The following ODR4 variants were observed in gnomAD, a reference collection of about 807,000 sequenced individuals.
ODR4 encodes odr-4 GPCR localization factor homolog, also known as protein odr-4 homolog.
ODR4 carries 47 observed loss-of-function variants against 60.2 expected under a neutral mutation model. The observed-to-expected ratio is 0.78, with a 90% CI of 0.62 to 1.00. The LOEUF is 1.00. Ranked by LOEUF, ODR4 falls within the 50% of genes least tolerant of loss-of-function variation. The probability of loss-of-function intolerance (pLI) is 0.00; values close to 1 mark genes in which losing one functional copy is unlikely to be tolerated. For synonymous variants in ODR4, 178 were observed against 175.5 expected, an observed-to-expected ratio of 1.01 and a Z score of -0.11; for missense variants, 488 against 530.8, an observed-to-expected ratio of 0.92 and a Z score of 0.79.
In ODR4 at chr1:186,386,082, G is replaced by C; in HGVS notation, c.329G>C (p.Arg110Thr). The change falls in exon 4 of 14, where the codon AGA becomes ACA. Residue 110 changes from arginine (R) to threonine (T), a missense_variant and splice_region_variant. Physicochemically the swap from Arg to Thr is moderately conservative, Grantham distance 71 (BLOSUM62 -1). Transcript: ENST00000287859. ...AATGATTTTCAAAATGCCCTGCGTA[G>C]AGTAAGTTTGATATATCGAAAATTC... ...LANDFQNALRRLMFAVEKSIN... is the reference protein window; with the variant it reads ...LANDFQNALRTLMFAVEKSIN... The C allele has an allele frequency of 1.3e-6, 2 of 1,554,710 alleles. No homozygotes were observed. The highest frequency in any genetic ancestry group is 1.8e-6 in the Non-Finnish European group (2 of 1,140,182).
At chr1:186,388,219 C>T (rs1372034703) in intron 4 of ODR4, among the ~76,000 whole-genome samples, 1 of 152,182 alleles carries the variant, frequency 6.6e-6, no homozygotes, top group Non-Finnish European at 1.5e-5. Flanking sequence ...TGGTGGCACA[C>T]ACCTGTAGTC....
chr1:186,386,351 T>A (rs574752378), intron 4 of ODR4, among the ~76,000 whole-genome samples: 1 of 152,280 alleles, frequency 6.6e-6, no homozygotes, highest in East Asian at 1.9e-4. Context: ...AAAACAGGGC[T>A]ATCATCAGCC....
chr1:186,427,801 T>C, the ODR4 span, among the ~76,000 whole-genome samples: 2 of 152,226 alleles, frequency 1.3e-5, no homozygotes, highest in African/African-American at 4.8e-5. Flanking sequence ...TGATCCATGG[T>C]CTGAAGAATA....
intron 4 of ODR4, 134 bp from the exon 5 acceptor site, chr1:186,388,308 C>T (rs1644325540): frequency 7.3e-6 from 4 of 547,530 alleles, no homozygotes; most frequent in African/African-American, 2.0e-5. Context: ...ATAGTGAGAC[C>T]CCTTCTCCAA....
At position 186,398,473 on chromosome 1, in the gene ODR4, A is replaced by G. The variant is rs372368478; in HGVS notation, c.909+32A>G. 34 of 1,549,640 alleles carry G rather than the reference A, an allele frequency of 2.2e-5. No homozygotes were observed. In the African/African-American group the frequency reaches 3.9e-4, roughly 18 times the overall value. ...AAAGGAATAACGAGCATATGGAACC[A>G]TGTTAACTATTAACAAAAACCTAAA... On this transcript the variant is annotated intron_variant, in intron 10 of 13. Transcript: ENST00000287859.
intron 5 of ODR4, among the ~76,000 whole-genome samples, chr1:186,388,949 G>C (rs544231361): frequency 6.6e-6 from 1 of 152,264 alleles, no homozygotes; most frequent in Admixed American, 6.5e-5. Flanking sequence ...CAGGTGCACA[G>C]AGCTGGATGG....
At chr1:186,379,443 CAA>C (rs57320656) in intron 1 of ODR4, among the ~76,000 whole-genome samples, 5,159 of 58,334 alleles carry the variant, frequency 0.088, 282 homozygotes, top group African/African-American at 0.25. Flanking sequence ...AACTCCGTCT[CAA>C]AAAAAAAAAA....
In ODR4 at chr1:186,406,172, G is replaced by A; in HGVS notation, c.1090G>A (p.Asp364Asn). Residue 364 changes from aspartate (D) to asparagine (N), a missense_variant, in exon 12 of 14, where the codon GAT becomes AAT. Coordinates refer to ENST00000287859, the MANE Select transcript of ODR4 (RefSeq NM_017847.6). Reference sequence around the variant, plus strand: ...AATGTTGTGTGATTATAAATTTGACGATGAGTCAGCTGAAGAAATCAGGGA... The same window carrying A: ...AATGTTGTGTGATTATAAATTTGACAATGAGTCAGCTGAAGAAATCAGGGA... ...TVMLCDYKFD[D>N]ESAEEIRDHF... 1 of 1,612,196 alleles carries A rather than the reference G, an allele frequency of 6.2e-7. No individual in the cohort carries two copies. Among genetic ancestry groups the A allele is most frequent in the Non-Finnish European group, 8.5e-7 (1 of 1,179,016 alleles).
chr1:186,405,206 G>T (rs1277253549), intron 11 of ODR4, among the ~76,000 whole-genome samples: 1 of 152,052 alleles, frequency 6.6e-6, no homozygotes, highest in African/African-American at 2.4e-5. Flanking sequence ...AGTGAGATAG[G>T]TACACAAAAC....
the ODR4 span, among the ~76,000 whole-genome samples, chr1:186,431,535 A>C: frequency 6.6e-6 from 1 of 152,234 alleles, no homozygotes; most frequent in Admixed American, 6.5e-5. Context: ...AGAAAGGTAG[A>C]GTAATTAGAA....
intron 9 of ODR4, among the ~76,000 whole-genome samples, chr1:186,397,244 C>G (rs1176926459): frequency 1.3e-5 from 2 of 152,150 alleles, no homozygotes; most frequent in Non-Finnish European, 2.9e-5. Context: ...CATTATTTTT[C>G]CGCATTTATT....
chr1:186,381,619 G>A (rs909365015), intron 2 of ODR4, among the ~76,000 whole-genome samples: 24 of 152,026 alleles, frequency 1.6e-4, no homozygotes, highest in African/African-American at 5.1e-4. Context: ...GAGCCACCGC[G>A]CCCGGCCTAA....
downstream of ODR4, among the ~76,000 whole-genome samples, chr1:186,423,834 A>G (rs78484342): frequency 4.7e-3 from 712 of 152,296 alleles, 6 homozygotes; most frequent in African/African-American, 0.016. Flanking sequence ...GACTGAACAC[A>G]TGAAAAGAAG....
At chr1:186,410,325 T>C (rs185600389) in intron 12 of ODR4, among the ~76,000 whole-genome samples, 1 of 152,338 alleles carries the variant, frequency 6.6e-6, no homozygotes, top group Admixed American at 6.5e-5. Context: ...TCAGGAGTTT[T>C]GAACATTTAA....
At chr1:186,382,445 C>T (rs1268171637) in intron 2 of ODR4, among the ~76,000 whole-genome samples, 1 of 151,618 alleles carries the variant, frequency 6.6e-6, no homozygotes, top group Admixed American at 6.6e-5. Context: ...AATAAATACA[C>T]ACACACACAA....
At chr1:186,418,398 C>G (rs1301273465) in intron 13 of ODR4, among the ~76,000 whole-genome samples, 1 of 150,716 alleles carries the variant, frequency 6.6e-6, no homozygotes, top group African/African-American at 2.4e-5. Context: ...TCACGCCATT[C>G]TCCTGCCTCA....
intron 8 of ODR4, 140 bp downstream of exon 8, chr1:186,391,931 A>G: frequency 1.6e-6 from 1 of 618,482 alleles, no homozygotes; most frequent in Admixed American, 3.1e-5. Flanking sequence ...GTAAAAGGCA[A>G]ATGTTTTTCT....
At chr1:186,424,536 C>A (rs1264437613), downstream of ODR4, among the ~76,000 whole-genome samples, 8 of 151,936 alleles carry the variant, frequency 5.3e-5, no homozygotes, top group Non-Finnish European at 1.0e-4. Flanking sequence ...AACAAACTAC[C>A]CTCAAACTTA....
intron 11 of ODR4, among the ~76,000 whole-genome samples, chr1:186,402,349 C>G (rs891879130): frequency 6.8e-6 from 1 of 146,726 alleles, no homozygotes; most frequent in Non-Finnish European, 1.5e-5. Flanking sequence ...CTCTCCTTTC[C>G]TTTTCCTTTT....
Sources: allele counts gnomAD v4.1 joint callset (sites outside exome capture counted in the v4.1 genomes callset), GRCh38; gene constraint gnomAD v4.1.1; transcripts MANE v1.5; gene names NCBI Gene and HGNC (gene_info 2026-07-23, HGNC 2026-07-21).